Variants in DLGAP2 observed in about 807,000 individuals in gnomAD.
DLGAP2 encodes the protein DLG associated protein 2, also known as disks large-associated protein 2.
Under a neutral mutation model 100.3 loss-of-function variants are expected in DLGAP2, and 26 were observed. The ratio of observed to expected loss-of-function variants is 0.26; its 90% CI spans 0.19 to 0.36. DLGAP2 has a LOEUF of 0.36. Ranked by LOEUF, DLGAP2 falls within the 10% of genes least tolerant of loss-of-function variation. The pLI, the probability that DLGAP2 is intolerant of heterozygous loss-of-function variation, is 1.00. For synonymous variants in DLGAP2, 886 were observed against 630.1 expected (o/e 1.41, Z -6.08); for missense variants, 1,858 against 1,453.2 (o/e 1.28, Z -4.53).
chr8:1,086,850 A>G (rs951401850), intron 2 of DLGAP2, among the ~76,000 whole-genome samples: 5 of 152,212 alleles, frequency 3.3e-5, no homozygotes, highest in African/African-American at 1.2e-4. Flanking sequence ...TGGAAAGATC[A>G]TACAGACAGA....
chr8:1,090,167 G>T (rs1279366051), intron 2 of DLGAP2, among the ~76,000 whole-genome samples: 8 of 143,432 alleles, frequency 5.6e-5, no homozygotes, highest in African/African-American at 2.1e-4. Context: ...GCCAGACAGG[G>T]GTGGAAACTC....
chr8:1,540,601 G>A lies in DLGAP2; in HGVS notation c.173-8025G>A, dbSNP rs1289168514. On this transcript the variant is annotated intron_variant, in intron 4 of 14. Transcript: ENST00000637795. ...TCCTGCCGGGCTGGGCGCTGGAGTC[G>A]GGTGTGGCTGCACAGCTCTGCTGCC... Among the ~76,000 whole-genome samples, 5 of 152,318 alleles carry A rather than the reference G, an allele frequency of 3.3e-5. No homozygotes were observed. The East Asian group carries it at 7.7e-4, about 24-fold the overall frequency.
At position 1,339,677 on chromosome 8, in the gene DLGAP2, G is replaced by A. The variant is rs141861286; in HGVS notation, c.106+80794G>A. On this transcript the variant is annotated intron_variant, in intron 3 of 14. Transcript: ENST00000637795. ...CATTCTTTTGGCCATTGTGACCTTC[G>A]TTTAATAGGGGGATCCGGAGTCTCA... Among the ~76,000 whole-genome samples, 97 of 152,228 alleles carry A rather than the reference G, an allele frequency of 6.4e-4. 2 individuals are homozygous for A. The highest frequency in any genetic ancestry group is 2.3e-3 in the South Asian group (11 of 4,822).
At chr8:1,554,829 CGTT>C (rs1264485979) in intron 5 of DLGAP2, among the ~76,000 whole-genome samples, 2 of 146,008 alleles carry the variant, frequency 1.4e-5, no homozygotes, top group East Asian at 4.3e-4. Context: ...GGAAGGCTGG[CGTT>C]GTGGCTTATG....
intron 2 of DLGAP2, among the ~76,000 whole-genome samples, chr8:1,173,212 G>A (rs180797654): frequency 1.3e-3 from 204 of 152,244 alleles, no homozygotes; most frequent in African/African-American, 4.6e-3. Flanking sequence ...CGTGAACCGC[G>A]AATGCTGCTG....
In DLGAP2 at chr8:1,535,921, G is replaced by T. The variant is rs142644315; in HGVS notation, c.173-12705G>T. The stretch of plus-strand genomic sequence containing the variant: ...TGGTGTTGGTGGTCAGCCAGCACAA[G>T]CACCACAAGCACTGCTCTGACATCC... On this transcript the variant is annotated intron_variant, in intron 4 of 14. Coordinates refer to ENST00000637795, the MANE Select transcript of DLGAP2 (RefSeq NM_001346810.2). Among the ~76,000 whole-genome samples the T allele has an allele frequency of 1.1e-4, 17 of 152,332 alleles. No individual in the cohort carries two copies. In the East Asian group the frequency reaches 1.7e-3, roughly 16 times the overall value.
chr8:1,078,050 C>G (rs1384269444), intron 2 of DLGAP2, among the ~76,000 whole-genome samples: 2 of 152,168 alleles, frequency 1.3e-5, no homozygotes, highest in Non-Finnish European at 2.9e-5. Context: ...GAACTTAAAT[C>G]CCACCGGGAC....
intron 2 of DLGAP2, among the ~76,000 whole-genome samples, chr8:1,051,673 C>T (rs929535739): frequency 5.9e-5 from 9 of 152,076 alleles, no homozygotes; most frequent in Non-Finnish European, 1.0e-4. Context: ...CACGTCTGGT[C>T]CACATCACAG....
intron 1 of DLGAP2, among the ~76,000 whole-genome samples, chr8:805,327 GC>G (rs1041446584): frequency 1.3e-5 from 2 of 152,156 alleles, no homozygotes; most frequent in African/African-American, 4.8e-5. Flanking sequence ...GTCTAGGGAA[GC>G]CCTTCTGATC....
intron 8 of DLGAP2, among the ~76,000 whole-genome samples, chr8:1,659,618 AT>A (rs1407409875): frequency 6.6e-6 from 1 of 151,744 alleles, no homozygotes; most frequent in Admixed American, 6.6e-5. Context: ...GTCTTTTTTT[AT>A]CTTTGTTGGC....
Position 1,357,401 on chromosome 8 carries a change from CTTT to C in DLGAP2, c.106+98530_106+98532del, listed in dbSNP as rs5888828. 1.2e-4 allele frequency among the ~76,000 whole-genome samples: 18 copies of C among 144,588 alleles called. No individual in the cohort carries two copies. The South Asian group carries it at 3.8e-3, about 30-fold the overall frequency. The allele number at this position is 144,588 out of a possible 152,430, so 94.9% of individuals were successfully genotyped here. A position where few individuals can be genotyped will look rare whatever the true frequency, so the allele number is the denominator to read the frequency against. Reference sequence around the variant, plus strand: ...CCTGATGCATCTGTTGGTGCCAAATCTTTTTTTTTTTTTTGTAGCTTTTTATTA... The same window carrying C: ...CCTGATGCATCTGTTGGTGCCAAATCTTTTTTTTTTTGTAGCTTTTTATTA... On this transcript the variant is annotated intron_variant, in intron 3 of 14. Coordinates refer to ENST00000637795, the MANE Select transcript of DLGAP2 (RefSeq NM_001346810.2).
intron 2 of DLGAP2, among the ~76,000 whole-genome samples, chr8:1,128,014 T>C (rs1054885812): frequency 2.0e-5 from 3 of 152,252 alleles, no homozygotes; most frequent in African/African-American, 7.2e-5. Flanking sequence ...TAGGTTTACA[T>C]GTTTGCCTTT....
chr8:1,561,773 G>A (rs373198814), intron 5 of DLGAP2, among the ~76,000 whole-genome samples: 12 of 82,808 alleles, frequency 1.4e-4, no homozygotes, highest in African/African-American at 2.1e-4. Flanking sequence ...TCCGCGCCTC[G>A]TTACTGGGGG....
chr8:1,133,190 C>T (rs1226581620), intron 2 of DLGAP2, among the ~76,000 whole-genome samples: 3 of 152,320 alleles, frequency 2.0e-5, no homozygotes, highest in South Asian at 2.1e-4. Context: ...GCTACTTAAG[C>T]ACTCCTGGGG....
rs562666813 is a variant in DLGAP2 at position 1,463,058 on chromosome 8, G to C, written c.107-38308G>C. ...GAGGTCAGGAGTTCAAGACCAGCTG[G>C]GCCAAAATGGTGAGCCCCCATCTCT... On this transcript the variant is annotated intron_variant, in intron 3 of 14. Transcript: ENST00000637795. Among the ~76,000 whole-genome samples the C allele has an allele frequency of 2.0e-5, 3 of 152,194 alleles. No homozygotes were observed. In the South Asian group the frequency reaches 6.2e-4, roughly 32 times the overall value.
chr8:1,686,010 T>C (rs1331886233), intron 12 of DLGAP2, among the ~76,000 whole-genome samples: 1 of 152,158 alleles, frequency 6.6e-6, no homozygotes, highest in Non-Finnish European at 1.5e-5. Context: ...GAAAGCAGTA[T>C]AGAGATTTCT....
intron 2 of DLGAP2, among the ~76,000 whole-genome samples, chr8:1,075,126 A>G (rs917391909): frequency 1.2e-3 from 188 of 152,218 alleles, no homozygotes; most frequent in African/African-American, 4.2e-3. Context: ...ATGTCCTCAG[A>G]CTCAATGGAG....
intron 2 of DLGAP2, among the ~76,000 whole-genome samples, chr8:1,051,506 C>A (rs1210506579): frequency 6.6e-6 from 1 of 152,200 alleles, no homozygotes; most frequent in Non-Finnish European, 1.5e-5. Context: ...TAATACCACT[C>A]AGCATAAAGA....
At chr8:1,322,238 C>T (rs762673474) in intron 3 of DLGAP2, among the ~76,000 whole-genome samples, 6 of 152,098 alleles carry the variant, frequency 3.9e-5, no homozygotes, top group South Asian at 2.1e-4. Context: ...AATAGAAATT[C>T]GAGTATTTCA....
Sources: allele counts gnomAD v4.1 joint callset (sites outside exome capture counted in the v4.1 genomes callset), GRCh38; gene constraint gnomAD v4.1.1; transcripts MANE v1.5; gene names NCBI Gene and HGNC (gene_info 2026-07-23, HGNC 2026-07-21).